Variants in TRERF1 observed in about 807,000 individuals in gnomAD.
TRERF1 encodes the protein transcriptional regulating factor 1, also known as transcriptional-regulating factor 1.
TRERF1 carries 27 observed loss-of-function variants against 122.9 expected under a neutral mutation model. That is an observed-to-expected ratio of 0.22 (90% CI 0.16 to 0.30). TRERF1 has a LOEUF of 0.30. Among genes scored for constraint, TRERF1 ranks in the 10% least tolerant of loss-of-function variants. The pLI, the probability that TRERF1 is intolerant of heterozygous loss-of-function variation, is 1.00. For missense variants in TRERF1, 1,248 were observed against 1,560.3 expected (o/e 0.80, Z 3.37); for synonymous variants, 636 against 641.7 (o/e 0.99, Z 0.13).
chr6:42,290,837 T>C (rs1438165834), intron 4 of TRERF1, among the ~76,000 whole-genome samples: 1 of 143,744 alleles, frequency 7.0e-6, no homozygotes, highest in Non-Finnish European at 1.5e-5. Context: ...TGCTGGGATG[T>C]GGGGTGGCCT....
intron 2 of TRERF1, among the ~76,000 whole-genome samples, chr6:42,378,693 C>T (rs1235291321): frequency 6.6e-6 from 1 of 152,176 alleles, no homozygotes; most frequent in Non-Finnish European, 1.5e-5. Context: ...TTATTTTATA[C>T]ATGAGGAAGC....
chr6:42,264,468 A>G (rs546539884), intron 7 of TRERF1, among the ~76,000 whole-genome samples: 12 of 152,384 alleles, frequency 7.9e-5, no homozygotes, highest in African/African-American at 2.9e-4. Flanking sequence ...AGAAGCTGGG[A>G]TGCCCTAAAA....
chr6:42,448,928 G>A (rs1788000343), intron 2 of TRERF1, among the ~76,000 whole-genome samples: 1 of 152,124 alleles, frequency 6.6e-6, no homozygotes, highest in African/African-American at 2.4e-5. Flanking sequence ...CATTAAAGAA[G>A]GAGAAAAAGA....
chr6:42,228,696 A>C lies in TRERF1; in HGVS notation c.3279-27T>G. On this transcript the variant is annotated intron_variant, in intron 17 of 17. Coordinates refer to ENST00000372922, the Ensembl canonical transcript of TRERF1. The surrounding 1 kb of genome is among the most constrained non-coding windows in gnomAD (Gnocchi z 4.2). ...TAAAAATAAAGAAAGAGAGGTGTGT[A>C]GAATTTAGAAGGAGATCTGAGTTCT... is the stretch of plus-strand genomic sequence containing the variant. 1.3e-6 allele frequency: 2 copies of C among 1,555,452 alleles called. No homozygotes were observed. Among genetic ancestry groups the C allele is most frequent in the Non-Finnish European group, 1.7e-6 (2 of 1,153,738 alleles).
rs1777465930 is a variant in TRERF1, at chr6:42,259,657, TCTC to T, written c.1948_1950del (p.Glu650del). 7 of 1,611,550 alleles carry T rather than the reference TCTC, an allele frequency of 4.3e-6. No individual in the cohort carries two copies. The highest frequency in any genetic ancestry group is 2.2e-5 in the East Asian group (1 of 44,878). ...TCCGGCCGGTGCCGGAACTTTTTCT[TCTC>T]CTGCACGGTCTTGAGGGGCTCCTCG... On this transcript the variant is annotated inframe_deletion, in exon 9 of 18. Transcript: ENST00000372922. The surrounding 1 kb of genome is among the most constrained non-coding windows in gnomAD (Gnocchi z 4.9).
chr6:42,373,158 C>T (rs546054870), intron 2 of TRERF1, among the ~76,000 whole-genome samples: 92 of 152,308 alleles, frequency 6.0e-4, no homozygotes, highest in Non-Finnish European at 1.0e-3. Flanking sequence ...CTGGTGTGGC[C>T]GGGGCACTTT....
At chr6:42,373,570 G>C (rs1450653017) in intron 2 of TRERF1, among the ~76,000 whole-genome samples, 1 of 152,166 alleles carries the variant, frequency 6.6e-6, no homozygotes, top group African/African-American at 2.4e-5. Flanking sequence ...GGGAGGCTAA[G>C]GCAGGAGAAT....
At chr6:42,266,946 ACTT>A (rs1289938290) in intron 5 of TRERF1, among the ~76,000 whole-genome samples, 2 of 152,182 alleles carry the variant, frequency 1.3e-5, no homozygotes. Context: ...TTGCTTATTT[ACTT>A]TCCCAGCCTG....
Position 42,444,885 on chromosome 6 carries a change from C to T in TRERF1, c.-454+6292G>A, listed in dbSNP as rs372404914. Among the ~76,000 whole-genome samples, 8 of 152,326 alleles carry T rather than the reference C, an allele frequency of 5.3e-5. No homozygotes were observed. In the East Asian group the frequency reaches 9.7e-4, roughly 18 times the overall value. On this transcript the variant is annotated intron_variant, in intron 2 of 17. Transcript: ENST00000372922. ...CGGGCTGTCCGCAGCTCCTCCCTCACGATCCCCTCCCAACTCTCTCCAGTC... is the reference window on the plus strand; with the variant it reads ...CGGGCTGTCCGCAGCTCCTCCCTCATGATCCCCTCCCAACTCTCTCCAGTC...
chr6:42,399,105 A>G (rs1779027463), intron 2 of TRERF1, among the ~76,000 whole-genome samples: 1 of 152,232 alleles, frequency 6.6e-6, no homozygotes, highest in African/African-American at 2.4e-5. Flanking sequence ...AATGCTACAT[A>G]GTCCCCAGGG....
chr6:42,271,975 T>G (rs2149935122), intron 4 of TRERF1, among the ~76,000 whole-genome samples: 1 of 152,346 alleles, frequency 6.6e-6, no homozygotes, highest in East Asian at 1.9e-4. Flanking sequence ...AGGGTGTTCA[T>G]GCGTTTTTAA....
At chr6:42,375,003 C>CAAAA (rs55696342) in intron 2 of TRERF1, among the ~76,000 whole-genome samples, 3 of 87,490 alleles carry the variant, frequency 3.4e-5, no homozygotes, top group African/African-American at 8.6e-5. Flanking sequence ...AAGATTCTGT[C>CAAAA]AAAAAAAAAA....
intron 2 of TRERF1, among the ~76,000 whole-genome samples, chr6:42,447,643 A>T (rs1023198813): frequency 6.6e-6 from 1 of 152,182 alleles, no homozygotes; most frequent in Admixed American, 6.5e-5. Context: ...GACCATGAGC[A>T]CCATTTATAC....
At chr6:42,334,952 G>T (rs937763321) in intron 3 of TRERF1, among the ~76,000 whole-genome samples, 1 of 152,210 alleles carries the variant, frequency 6.6e-6, no homozygotes, top group Non-Finnish European at 1.5e-5. Context: ...GGCCCAGATG[G>T]TCCCTTCCAT....
At chr6:42,409,412 T>C (rs1214261154) in intron 2 of TRERF1, among the ~76,000 whole-genome samples, 1 of 152,214 alleles carries the variant, frequency 6.6e-6, no homozygotes, top group Non-Finnish European at 1.5e-5. Flanking sequence ...TAGAGAAGTC[T>C]TGCTCCTAAA....
intron 2 of TRERF1, among the ~76,000 whole-genome samples, chr6:42,376,873 T>A (rs1215466158): frequency 1.4e-5 from 2 of 142,992 alleles, no homozygotes; most frequent in African/African-American, 5.2e-5. Flanking sequence ...ATAAAAACAA[T>A]TTTTTTTTTG....
intron 2 of TRERF1, among the ~76,000 whole-genome samples, chr6:42,435,701 C>A (rs763760567): frequency 6.6e-6 from 1 of 151,920 alleles, no homozygotes. Context: ...GGAGGCCGGG[C>A]GCAGTGGCTC....
chr6:42,326,019 C>G (rs1307950107), intron 3 of TRERF1, among the ~76,000 whole-genome samples: 2 of 152,110 alleles, frequency 1.3e-5, no homozygotes, highest in African/African-American at 2.4e-5. Context: ...CAGGGGACTA[C>G]AAAATGCGGG....
intron 13 of TRERF1, among the ~76,000 whole-genome samples, chr6:42,248,058 C>T (rs151270293): frequency 3.3e-5 from 5 of 152,284 alleles, no homozygotes; most frequent in Admixed American, 2.0e-4. Flanking sequence ...AAACCCTAAT[C>T]GCCTCTTTCT....
Sources: allele counts gnomAD v4.1 joint callset (sites outside exome capture counted in the v4.1 genomes callset), GRCh38; gene constraint gnomAD v4.1.1; non-coding constraint Gnocchi (gnomAD v3.1); transcripts MANE v1.5; gene names NCBI Gene and HGNC (gene_info 2026-07-23, HGNC 2026-07-21).